Variants in RHPN2 observed in about 807,000 individuals in gnomAD.
RHPN2 encodes the protein rhophilin-2.
Under a neutral mutation model 79.0 loss-of-function variants are expected in RHPN2, and 40 were observed. The observed-to-expected ratio is 0.51, with a 90% confidence interval of 0.39 to 0.66. The LOEUF is 0.66. Ranked by LOEUF, RHPN2 falls within the 30% of genes least tolerant of loss-of-function variation. RHPN2 has a pLI of 0.00. For synonymous variants in RHPN2, 285 were observed against 363.5 expected (o/e 0.78, Z 2.46); for missense variants, 686 against 883.5 (o/e 0.78, Z 2.83).
intron 1 of RHPN2, 29 bp downstream of exon 1, chr19:33,064,755 T>TGGGGG: frequency 1.2e-4 from 167 of 1,427,652 alleles, no homozygotes; most frequent in Non-Finnish European, 1.5e-4. Flanking sequence ...AGCCCGCAGG[T>TGGGGG]CCCCGCCCGC....
chr19:33,012,789 A>G, intron 4 of RHPN2, 65 bp from the exon 5 acceptor site: 2 of 890,992 alleles, frequency 2.2e-6, no homozygotes, highest in South Asian at 2.6e-5. Flanking sequence ...GCATAATAGT[A>G]ATATGTCAAT....
At chr19:33,045,194 G>C (rs745824765) in intron 1 of RHPN2, among the ~76,000 whole-genome samples, 3 of 151,558 alleles carry the variant, frequency 2.0e-5, no homozygotes, top group Admixed American at 6.6e-5. Flanking sequence ...TGGGACTACA[G>C]GTGCATGTCA....
intron 7 of RHPN2, 104 bp downstream of exon 7, chr19:33,007,910 T>TTTC: frequency 3.8e-6 from 5 of 1,313,724 alleles, no homozygotes; most frequent in Non-Finnish European, 5.5e-6. Context: ...GAGACTGGTC[T>TTTC]GGCCCTTGCG....
intron 14 of RHPN2, among the ~76,000 whole-genome samples, chr19:32,983,294 C>CCG (rs1971590747): frequency 6.6e-6 from 1 of 152,072 alleles, no homozygotes; most frequent in Non-Finnish European, 1.5e-5. Flanking sequence ...GGGCAGATCA[C>CCG]AAGGTCAGGA....
intron 1 of RHPN2, among the ~76,000 whole-genome samples, chr19:33,048,319 G>C (rs1972158394): frequency 6.6e-6 from 1 of 151,676 alleles, no homozygotes; most frequent in Non-Finnish European, 1.5e-5. Context: ...GCCTCCCAAA[G>C]TGCTGGGATT....
intron 1 of RHPN2, among the ~76,000 whole-genome samples, chr19:33,045,470 G>A (rs8106293): frequency 0.53 from 80,727 of 151,690 alleles, 25,664 homozygotes; most frequent in African/African-American, 0.87. Context: ...AGAACCATCA[G>A]TGCTATCTGA....
chr19:33,028,525 T>C (rs1156508156), intron 2 of RHPN2, among the ~76,000 whole-genome samples: 1 of 151,964 alleles, frequency 6.6e-6, no homozygotes, highest in Non-Finnish European at 1.5e-5. Context: ...CACAATAGCA[T>C]CAAAAAGAAT....
chr19:33,031,710 G>A (rs1356865449), intron 2 of RHPN2, among the ~76,000 whole-genome samples: 1 of 148,976 alleles, frequency 6.7e-6, no homozygotes, highest in Non-Finnish European at 1.5e-5. Context: ...GGGTGTGTGT[G>A]AGATGGAGTC....
chr19:33,035,173 G>A (rs1972046583), intron 2 of RHPN2, among the ~76,000 whole-genome samples: 1 of 151,956 alleles, frequency 6.6e-6, no homozygotes, highest in African/African-American at 2.4e-5. Context: ...CACCCTGTAG[G>A]CCAGGCTAGT....
intron 14 of RHPN2, among the ~76,000 whole-genome samples, chr19:32,985,727 G>A: frequency 6.6e-6 from 1 of 152,176 alleles, no homozygotes; most frequent in South Asian, 2.1e-4. Flanking sequence ...TGCCTCCCAG[G>A]CTCAAGTGAT....
intron 2 of RHPN2, 25 bp downstream of exon 2, chr19:33,044,224 G>A (rs1354842419): frequency 1.3e-6 from 2 of 1,545,978 alleles, no homozygotes; most frequent in South Asian, 2.2e-5. Context: ...ACTCAGGAGA[G>A]GCAGGGAAGC....
At chr19:33,044,497 G>T in intron 1 of RHPN2, 133 bp from the exon 2 acceptor site, 2 of 722,320 alleles carry the variant, frequency 2.8e-6, no homozygotes. Context: ...AGAAAATATT[G>T]AAAAGTATAA....
intron 6 of RHPN2, among the ~76,000 whole-genome samples, chr19:33,009,071 A>G (rs563727609): frequency 2.0e-5 from 3 of 151,276 alleles, no homozygotes. Flanking sequence ...AAAACCCTGG[A>G]GACAGAAGAA....
At chr19:33,015,391 C>T (rs372668155) in intron 4 of RHPN2, among the ~76,000 whole-genome samples, 1 of 152,224 alleles carries the variant, frequency 6.6e-6, no homozygotes, top group South Asian at 2.1e-4. Flanking sequence ...AGCCATTGCA[C>T]TCCAGCTTGG....
intron 1 of RHPN2, among the ~76,000 whole-genome samples, chr19:33,046,576 T>C (rs966128182): frequency 6.6e-6 from 1 of 152,092 alleles, no homozygotes; most frequent in Non-Finnish European, 1.5e-5. Flanking sequence ...CTAGATCATA[T>C]GATTTATTCT....
intron 2 of RHPN2, among the ~76,000 whole-genome samples, chr19:33,033,948 C>A (rs911613778): frequency 6.6e-6 from 1 of 151,912 alleles, no homozygotes; most frequent in African/African-American, 2.4e-5. Context: ...AGAGAGCTTC[C>A]ACGTAATGCC....
At chr19:32,992,042 G>C (rs1304287873) in intron 12 of RHPN2, 73 bp from the exon 13 acceptor site, 59 of 1,572,180 alleles carry the variant, frequency 3.8e-5, no homozygotes, top group Non-Finnish European at 4.7e-5. Context: ...AGGGAATTTT[G>C]CCTGCTGTCC....
rs945697019 is a variant in RHPN2 at position 33,064,827 on chromosome 19, G to T, written c.26C>A (p.Ala9Asp). The T allele has an allele frequency of 2.0e-6, 3 of 1,520,200 alleles. No homozygotes were observed. The highest frequency in any genetic ancestry group is 4.0e-5 in the Admixed American group (2 of 50,068). The allele number at this position is 1,520,200 out of a possible 1,614,324, so 94.2% of individuals were successfully genotyped here. A position where few individuals can be genotyped will look rare whatever the true frequency, so the allele number is the denominator to read the frequency against. ...GTTCTCCTTCTCCAGCGGCTGGGGG[G>T]CCGCGGGCAACAGCGCGTCGGTCAT... MTDALLPA[A>D]PQPLEKENDG... The change falls in exon 1 of 15, where the codon GCC (alanine) becomes GAC (aspartate). Residue 9 changes from alanine (A) to aspartate (D), a missense_variant. Coordinates refer to ENST00000254260, the MANE Select transcript of RHPN2 (RefSeq NM_033103.5).
intron 6 of RHPN2, among the ~76,000 whole-genome samples, chr19:33,009,026 G>A (rs1334761355): frequency 6.0e-5 from 3 of 50,178 alleles, no homozygotes; most frequent in Non-Finnish European, 6.7e-5. Flanking sequence ...GCTACCTACT[G>A]TATACGCTGT....
Sources: gnomAD v4.1 joint callset for allele counts (sites outside exome capture counted in the v4.1 genomes callset) on GRCh38, gnomAD v4.1.1 for gene constraint, MANE v1.5 for transcripts, NCBI Gene and HGNC (gene_info 2026-07-23, HGNC 2026-07-21) for gene names.